ANKRD11: variants seen among roughly 807,000 people sequenced by gnomAD.
ANKRD11 encodes ankyrin repeat domain-containing protein 11.
Under a neutral mutation model 195.7 loss-of-function variants are expected in ANKRD11, and 17 were observed. The observed-to-expected ratio is 0.09, with a 90% CI of 0.06 to 0.13. The LOEUF (loss-of-function observed/expected upper bound fraction) is 0.13, where lower values mean the gene tolerates loss of function less well. ANKRD11 is among the 10% of genes least tolerant of loss of function. The pLI is 1.00. For missense variants in ANKRD11, 3,735 were observed against 3,566.1 expected, an observed-to-expected ratio of 1.05 and a Z score of -1.21; for synonymous variants, 1,953 against 1,528.1, an observed-to-expected ratio of 1.28 and a Z score of -6.49.
Position 89,418,973 on chromosome 16 carries a change from C to T in ANKRD11, c.-144-605G>A, listed in dbSNP as rs1458009732. Among the ~76,000 whole-genome samples, 10 of 151,960 alleles carry T rather than the reference C, an allele frequency of 6.6e-5. No individual in the cohort carries two copies. In the East Asian group the frequency reaches 1.9e-3, roughly 29 times the overall value. The stretch of plus-strand genomic sequence containing the variant: ...CTGACCTCAGGTGTTCCAATCACCT[C>T]GGCCTTCCAAAGTGTTAGGATTACA... On this transcript the variant is annotated intron_variant, in intron 1 of 12. Transcript: ENST00000301030.
At chr16:89,312,086 T>A (rs1318528133) in intron 3 of ANKRD11, among the ~76,000 whole-genome samples, 2 of 152,108 alleles carry the variant, frequency 1.3e-5, no homozygotes, top group Admixed American at 1.3e-4. Context: ...TTAGTAGAGA[T>A]GGGGTTTTGC....
At chr16:89,390,720 G>T (rs553797319) in intron 2 of ANKRD11, among the ~76,000 whole-genome samples, 1 of 152,294 alleles carries the variant, frequency 6.6e-6, no homozygotes, top group South Asian at 2.1e-4. Flanking sequence ...GCCAGCACCC[G>T]TAAGTCCTGC....
At chr16:89,399,738 G>A (rs1334489474) in intron 2 of ANKRD11, among the ~76,000 whole-genome samples, 2 of 152,216 alleles carry the variant, frequency 1.3e-5, no homozygotes, top group African/African-American at 2.4e-5. Context: ...GCCCAGGGGT[G>A]CGGGGGAACC....
At chr16:89,274,210 TGGACAGAGCAGGTCAAAGGCA>T (rs2033437440) in intron 11 of ANKRD11, among the ~76,000 whole-genome samples, 1 of 152,052 alleles carries the variant, frequency 6.6e-6, no homozygotes, top group South Asian at 2.1e-4. Context: ...TATGTCCCAG[TGGACAGAGCAGGTCAAAGGCA>T]CGGGAGCTGC....
intron 1 of ANKRD11, among the ~76,000 whole-genome samples, chr16:89,462,726 G>A (rs1430697342): frequency 1.3e-4 from 20 of 148,796 alleles, no homozygotes; most frequent in African/African-American, 3.5e-4. Flanking sequence ...CCGCCGCCCC[G>A]TCTGGGATGT....
intron 6 of ANKRD11, 124 bp from the exon 7 acceptor site, chr16:89,288,794 T>C (rs1387220355): frequency 3.7e-6 from 5 of 1,368,314 alleles, no homozygotes; most frequent in African/African-American, 1.4e-5. Context: ...TGCCCTGTAG[T>C]GAGGGCTGCA....
At chr16:89,401,917 G>C (rs1299782918) in intron 2 of ANKRD11, among the ~76,000 whole-genome samples, 1 of 150,870 alleles carries the variant, frequency 6.6e-6, no homozygotes, top group Admixed American at 6.6e-5. Flanking sequence ...CCCAGAACCT[G>C]GAGAGAGGCC....
chr16:89,465,525 G>A lies in ANKRD11; in HGVS notation c.-145+24720C>T, dbSNP rs114955678. ...ACACCGCCCGCCCGCACACATCCGC[G>A]GAAAGCCTGCTTTCAGCTGCTCAGC... On this transcript the variant is annotated intron_variant, in intron 1 of 12. Transcript: ENST00000301030. Among the ~76,000 whole-genome samples the A allele has an allele frequency of 1.7e-3, 263 of 152,180 alleles. 1 individual carries two copies. Among genetic ancestry groups the A allele is most frequent in the African/African-American group, 5.7e-3 (235 of 41,518 alleles).
In ANKRD11 at chr16:89,352,445, T is replaced by C. The variant is rs138414579; in HGVS notation, c.-59-35367A>G. ...TCTCAGGTCAGTGGCAGGAGGGCAC[T>C]TGCTGATGCTGGGCACAGAGGAATG... On this transcript the variant is annotated intron_variant, in intron 2 of 12. Transcript: ENST00000301030. Among the ~76,000 whole-genome samples, 91 of 151,322 alleles carry C rather than the reference T, an allele frequency of 6.0e-4. No individual in the cohort carries two copies. In the Middle Eastern group the frequency reaches 0.01, roughly 17 times the overall value.
intron 2 of ANKRD11, among the ~76,000 whole-genome samples, chr16:89,318,174 C>T (rs139676693): frequency 3.7e-4 from 57 of 152,318 alleles, no homozygotes; most frequent in African/African-American, 1.3e-3. Flanking sequence ...TTCCCAGCCT[C>T]GTCCTGGTCT....
At chr16:89,288,295 G>C in intron 7 of ANKRD11, 1 of 689,326 alleles carries the variant, frequency 1.5e-6, no homozygotes, top group Non-Finnish European at 2.6e-6. Context: ...GCGGATACGA[G>C]CCTTTCATAG....
At chr16:89,451,538 C>A (rs1247592233) in intron 1 of ANKRD11, among the ~76,000 whole-genome samples, 1 of 151,566 alleles carries the variant, frequency 6.6e-6, no homozygotes, top group African/African-American at 2.4e-5. Context: ...CTCAGCCTCC[C>A]AAGTAGCTAA....
At chr16:89,412,352 G>C (rs1234459836) in intron 2 of ANKRD11, 1 of 143,858 alleles carries the variant, frequency 7.0e-6, no homozygotes. Context: ...ACTGGGCTGA[G>C]ATGCCTCCCA....
chr16:89,448,039 A>C (rs1416745426), intron 1 of ANKRD11, among the ~76,000 whole-genome samples: 1 of 151,096 alleles, frequency 6.6e-6, no homozygotes, highest in Non-Finnish European at 1.5e-5. Context: ...TCCTGACCTC[A>C]GGTGATCCGC....
At chr16:89,371,459 G>A (rs1217364415) in intron 2 of ANKRD11, among the ~76,000 whole-genome samples, 2 of 152,204 alleles carry the variant, frequency 1.3e-5, no homozygotes, top group African/African-American at 2.4e-5. Context: ...AGAAGGGGCC[G>A]CTGACGCCAG....
intron 2 of ANKRD11, among the ~76,000 whole-genome samples, chr16:89,358,740 C>A (rs936927204): frequency 6.6e-6 from 1 of 152,204 alleles, no homozygotes; most frequent in Admixed American, 6.5e-5. Flanking sequence ...CATCTGCACC[C>A]AGCCCTAGAT....
intron 6 of ANKRD11, among the ~76,000 whole-genome samples, chr16:89,289,151 G>A (rs550290894): frequency 1.3e-5 from 2 of 152,306 alleles, no homozygotes; most frequent in Non-Finnish European, 2.9e-5. Flanking sequence ...AGGCCACCCC[G>A]GGCAGGCAGC....
At chr16:89,288,122 T>C (rs541054375) in intron 7 of ANKRD11, 27 of 597,586 alleles carry the variant, frequency 4.5e-5, no homozygotes, top group African/African-American at 4.1e-4. Context: ...TTCTGTGCAC[T>C]GGCCACACCT....
Position 89,394,639 on chromosome 16 carries a change from A to C in ANKRD11, c.-60+23645T>G, listed in dbSNP as rs532571855. On this transcript the variant is annotated intron_variant, in intron 2 of 12. Coordinates refer to ENST00000301030, the MANE Select transcript of ANKRD11 (RefSeq NM_013275.6). ...GCAAAACTCTGTCTCCAAAAAAAAA[A>C]AAACAAACAACCTTTTGTGGAAAAA... 8.2e-3 allele frequency among the ~76,000 whole-genome samples: 1,241 copies of C among 152,072 alleles called. 17 individuals carry two copies. The highest frequency in any genetic ancestry group is 0.031 in the South Asian group (150 of 4,828).
Sources: gnomAD v4.1 joint callset for allele counts (sites outside exome capture counted in the v4.1 genomes callset) on GRCh38, gnomAD v4.1.1 for gene constraint, MANE v1.5 for transcripts, NCBI Gene and HGNC (gene_info 2026-07-23, HGNC 2026-07-21) for gene names.